SPINT1: variants seen among roughly 807,000 people sequenced by gnomAD.
SPINT1 encodes serine peptidase inhibitor, Kunitz type 1.
A neutral mutation model predicts 53.7 loss-of-function variants in SPINT1; 38 were observed. That is an observed-to-expected ratio of 0.71 (90% CI 0.55 to 0.93). The LOEUF is 0.93. SPINT1 is among the 40% of genes least tolerant of loss of function. The probability of loss-of-function intolerance (pLI) is 0.00; values close to 1 mark genes in which losing one functional copy is unlikely to be tolerated. For missense variants in SPINT1, 645 were observed against 692.9 expected, an observed-to-expected ratio of 0.93 and a Z score of 0.78; for synonymous variants, 283 against 280.6, an observed-to-expected ratio of 1.01 and a Z score of -0.08.
At position 40,856,990 on chromosome 15, in the gene SPINT1, G is replaced by A. The variant is rs370165480; in HGVS notation, c.*15G>A. On this transcript the variant is annotated 3_prime_UTR_variant, in exon 11 of 11. Transcript: ENST00000562057. Reference sequence around the variant, plus strand: ...GGCCCCTCTGAGCCTGGGTCTCACCGGCTCTCACCTGGCCCTGCTTCCTGC... The same window carrying A: ...GGCCCCTCTGAGCCTGGGTCTCACCAGCTCTCACCTGGCCCTGCTTCCTGC... 3.5e-5 allele frequency: 57 copies of A among 1,612,108 alleles called. No individual in the cohort carries two copies. Among genetic ancestry groups the A allele is most frequent in the Non-Finnish European group, 4.2e-5 (50 of 1,178,600 alleles).
intron 2 of SPINT1, among the ~76,000 whole-genome samples, chr15:40,845,259 C>G (rs929134505): frequency 6.8e-6 from 1 of 146,810 alleles, no homozygotes; most frequent in African/African-American, 2.5e-5. Context: ...TCAAGTGATT[C>G]TTCTGTCTCA....
intron 6 of SPINT1, 88 bp downstream of exon 6, chr15:40,854,174 C>A (rs1215218096): frequency 2.2e-5 from 31 of 1,426,056 alleles, no homozygotes; most frequent in South Asian, 1.9e-4. Context: ...TGCCTTTGAC[C>A]AAGCCATTCC....
chr15:40,844,348 G>A lies in SPINT1; in HGVS notation c.-65-142G>A. 1.6e-6 allele frequency: 1 copy of A among 634,338 alleles called. No homozygotes were observed. The highest frequency in any genetic ancestry group is 2.8e-6 in the Non-Finnish European group (1 of 360,334). The allele number at this position is 634,338 out of a possible 1,614,324, so 39.3% of individuals were successfully genotyped here. A position where few individuals can be genotyped will look rare whatever the true frequency, so the allele number is the denominator to read the frequency against. On this transcript the variant is annotated intron_variant, in intron 1 of 10. Coordinates refer to ENST00000562057, the MANE Select transcript of SPINT1 (RefSeq NM_003710.4). This position sits in a 1 kb window ranked among gnomAD's most constrained non-coding sequence, Gnocchi z 5.8. ...CCGGGTCCCTGGAGGGCGCGTGGGAGGGCCGGGCCCGTGCGCCCTCTTCGA... is the reference window on the plus strand; with the variant it reads ...CCGGGTCCCTGGAGGGCGCGTGGGAAGGCCGGGCCCGTGCGCCCTCTTCGA...
rs1336577292 is a variant in SPINT1, at chr15:40,856,928, G to A, written c.1495G>A (p.Glu499Lys). Reference protein sequence around the residue: ...TPASSTVSTTEDTEHLVYNHT... With the variant: ...TPASSTVSTTKDTEHLVYNHT... ...TGCCAGCTCCACTGTCTCCACTACC[G>A]AGGACACGGAGCACCTGGTCTATAA... The change falls in exon 11 of 11, where the codon GAG becomes AAG. Residue 499 changes from glutamate to lysine, a missense_variant. Glu to Lys is a moderately conservative substitution (Grantham distance 56). Coordinates refer to ENST00000562057, the MANE Select transcript of SPINT1 (RefSeq NM_003710.4). The A allele has an allele frequency of 3.1e-6, 5 of 1,613,736 alleles. No individual in the cohort carries two copies. The highest frequency in any genetic ancestry group is 3.4e-6 in the Non-Finnish European group (4 of 1,179,882).
chr15:40,853,776 C>G lies in SPINT1; in HGVS notation c.808C>G (p.Pro270Ala). 1 of 1,614,214 alleles carries G rather than the reference C, an allele frequency of 6.2e-7. No individual in the cohort carries two copies. The highest frequency in any genetic ancestry group is 1.6e-4 in the Middle Eastern group (1 of 6,062). Reference protein sequence around the residue: ...RGSFPRWYYDPTEQICKSFVY... With the variant: ...RGSFPRWYYDATEQICKSFVY... ...CTCTTTCCCACGCTGGTACTATGAC[C>G]CCACGGAGCAGATCTGCAAGAGTTT... Residue 270 changes from proline (P) to alanine (A), a missense_variant, in exon 5 of 11, where the codon CCC becomes GCC. Transcript: ENST00000562057.
In SPINT1 at chr15:40,844,667, C is replaced by T; in HGVS notation, c.113C>T (p.Pro38Leu). 6.2e-7 allele frequency: 1 copy of T among 1,604,804 alleles called. No individual in the cohort carries two copies. The highest frequency in any genetic ancestry group is 8.5e-7 in the Non-Finnish European group (1 of 1,175,950). Residue 38 changes from proline (P) to leucine (L), a missense_variant, in exon 2 of 11, where the codon CCG (proline) becomes CTG (leucine). By Grantham distance (98) the Pro-to-Leu change is moderately conservative. Coordinates refer to ENST00000562057, the MANE Select transcript of SPINT1 (RefSeq NM_003710.4). The surrounding 1 kb of genome is among the most constrained non-coding windows in gnomAD (Gnocchi z 5.8). ...CTCCAGGGCACCCAGGCCGGGCCAC[C>T]GCCCGCGCCCCCTGGGCTGCCCGCG... Reference protein sequence around the residue: ...LGLQGTQAGPPPAPPGLPAGA... With the variant: ...LGLQGTQAGPLPAPPGLPAGA...
At position 40,856,878 on chromosome 15, in the gene SPINT1, A is replaced by T. The variant is rs758550476; in HGVS notation, c.1445A>T (p.His482Leu). 1.2e-6 allele frequency: 2 copies of T among 1,614,032 alleles called. No individual in the cohort carries two copies. The highest frequency in any genetic ancestry group is 2.2e-5 in the South Asian group (2 of 91,052). Residue 482 changes from histidine to leucine, a missense_variant, in exon 11 of 11, where the codon CAC becomes CTC. Transcript: ENST00000562057. Reference protein sequence around the residue: ...FKNQRKDFHGHHHHPPPTPAS... With the variant: ...FKNQRKDFHGLHHHPPPTPAS... ...AACCAGAGAAAGGACTTCCACGGAC[A>T]CCACCACCACCCACCACCCACCCCT...
Position 40,844,677 on chromosome 15 carries a change from C to A in SPINT1, c.123C>A (p.Pro41=), listed in dbSNP as rs1373477825. The change falls in exon 2 of 11, where the codon CCC becomes CCA. Residue 41 remains proline (P), a synonymous_variant. Coordinates refer to ENST00000562057, the MANE Select transcript of SPINT1 (RefSeq NM_003710.4). This position sits in a 1 kb window ranked among gnomAD's most constrained non-coding sequence, Gnocchi z 5.8. ...CCCAGGCCGGGCCACCGCCCGCGCC[C>A]CCTGGGCTGCCCGCGGGAGCCGACT... ...QGTQAGPPPA[P]PGLPAGADCL... 6.2e-7 allele frequency: 1 copy of A among 1,606,302 alleles called. No homozygotes were observed. Among genetic ancestry groups the A allele is most frequent in the South Asian group, 1.1e-5 (1 of 90,424 alleles).
rs111903266 is a variant in SPINT1 at position 40,854,097 on chromosome 15, C to T, written c.940+11C>T. 596 of 1,535,252 alleles carry T rather than the reference C, an allele frequency of 3.9e-4. 4 individuals are homozygous for T. The African/African-American group carries it at 6.9e-3, about 18-fold the overall frequency. Reference sequence around the variant, plus strand: ...AAAGGCGCCATCCAGGTGGGCTTTACTCCCCTCCCCATCCCCCATCCCCAC... The same window carrying T: ...AAAGGCGCCATCCAGGTGGGCTTTATTCCCCTCCCCATCCCCCATCCCCAC... On this transcript the variant is annotated intron_variant, in intron 6 of 10. Coordinates refer to ENST00000562057, the MANE Select transcript of SPINT1 (RefSeq NM_003710.4).
chr15:40,852,869 T>G (rs1338630571), intron 2 of SPINT1, among the ~76,000 whole-genome samples: 1 of 149,724 alleles, frequency 6.7e-6, no homozygotes, highest in Non-Finnish European at 1.5e-5. Flanking sequence ...AGACCCCATC[T>G]CTAATAAAAA....
chr15:40,854,813 G>A (rs1162396990), intron 8 of SPINT1, 124 bp downstream of exon 8: 2 of 1,252,972 alleles, frequency 1.6e-6, no homozygotes, highest in East Asian at 4.7e-5. Context: ...AAGAGCCAGG[G>A]TGGGCTCCCC....
In SPINT1 at chr15:40,853,619, A is replaced by T; in HGVS notation, c.734A>T (p.Gln245Leu). Reference protein sequence around the residue: ...NVTVTVLSTKQTEDYCLASNK... With the variant: ...NVTVTVLSTKLTEDYCLASNK... ...ACAGTCACTGTGCTGTCCACCAAGC[A>T]GACAGAAGGTGAGGGAGGGGTGAGG... Residue 245 changes from glutamine to leucine, a missense_variant, in exon 4 of 11, where the codon CAG becomes CTG. Coordinates refer to ENST00000562057, the MANE Select transcript of SPINT1 (RefSeq NM_003710.4). 6.2e-7 allele frequency: 1 copy of T among 1,613,994 alleles called. No homozygotes were observed. Among genetic ancestry groups the T allele is most frequent in the African/African-American group, 1.3e-5 (1 of 75,036 alleles).
At chr15:40,850,031 C>G (rs1891411187) in intron 2 of SPINT1, among the ~76,000 whole-genome samples, 1 of 152,214 alleles carries the variant, frequency 6.6e-6, no homozygotes, top group Non-Finnish European at 1.5e-5. Flanking sequence ...ATGTGCTTTT[C>G]ACATGTCATT....
At chr15:40,845,081 G>T in intron 2 of SPINT1, 52 bp downstream of exon 2, 1 of 1,449,540 alleles carries the variant, frequency 6.9e-7, no homozygotes, top group Non-Finnish European at 9.4e-7. Context: ...AAAAGGGACT[G>T]GTTATGGGGT....
chr15:40,848,133 T>C (rs953585820), intron 2 of SPINT1, among the ~76,000 whole-genome samples: 6 of 152,194 alleles, frequency 3.9e-5, no homozygotes, highest in African/African-American at 1.4e-4. Flanking sequence ...AATCTCTCCC[T>C]TCCCATCCCT....
At chr15:40,851,936 G>A (rs530268228) in intron 2 of SPINT1, among the ~76,000 whole-genome samples, 35 of 152,330 alleles carry the variant, frequency 2.3e-4, no homozygotes, top group African/African-American at 8.2e-4. Context: ...CAGGAGAATC[G>A]CTTGAACCCT....
intron 2 of SPINT1, among the ~76,000 whole-genome samples, chr15:40,845,947 A>G (rs911758575): frequency 6.6e-6 from 1 of 152,216 alleles, no homozygotes; most frequent in Non-Finnish European, 1.5e-5. Context: ...GAGACTAGAA[A>G]ACAAGCCCAG....
At chr15:40,848,804 C>T (rs1347418143) in intron 2 of SPINT1, among the ~76,000 whole-genome samples, 1 of 152,158 alleles carries the variant, frequency 6.6e-6, no homozygotes, top group Non-Finnish European at 1.5e-5. Flanking sequence ...AATACTGTCT[C>T]TTGATATTCT....
intron 8 of SPINT1, 125 bp from the exon 9 acceptor site, chr15:40,855,767 G>A (rs1213799209): frequency 5.9e-6 from 6 of 1,012,546 alleles, no homozygotes; most frequent in Non-Finnish European, 8.4e-6. Flanking sequence ...GTGTTTTGGG[G>A]CCTCTCAGGC....
Sources: gnomAD v4.1 joint callset for allele counts (sites outside exome capture counted in the v4.1 genomes callset) on GRCh38, gnomAD v4.1.1 for gene constraint, Gnocchi (gnomAD v3.1) non-coding constraint, MANE v1.5 for transcripts, NCBI Gene and HGNC (gene_info 2026-07-23, HGNC 2026-07-21) for gene names.